SHANK2: variants seen among roughly 807,000 people sequenced by gnomAD.
SHANK2 encodes the protein SH3 and multiple ankyrin repeat domains 2, also known as SH3 and multiple ankyrin repeat domains protein 2.
Under a neutral mutation model 133.7 loss-of-function variants are expected in SHANK2, and 43 were observed. The ratio of observed to expected loss-of-function variants is 0.32; its 90% confidence interval spans 0.25 to 0.41. The LOEUF (loss-of-function observed/expected upper bound fraction) is 0.41. SHANK2 is among the 10% of genes least tolerant of loss of function. SHANK2 has a pLI of 1.00. For synonymous variants in SHANK2, 1,017 were observed against 952.8 expected, an observed-to-expected ratio of 1.07 and a Z score of -1.24; for missense variants, 1,994 against 2,235.8, an observed-to-expected ratio of 0.89 and a Z score of 2.18.
chr11:71,160,299 C>T (rs1261484300), intron 2 of SHANK2, among the ~76,000 whole-genome samples: 1 of 152,202 alleles, frequency 6.6e-6, no homozygotes, highest in Non-Finnish European at 1.5e-5. Flanking sequence ...CTGCTACGAA[C>T]TGAACTGTCT....
intron 11 of SHANK2, among the ~76,000 whole-genome samples, chr11:70,832,538 G>T (rs1482823528): frequency 2.6e-5 from 4 of 152,202 alleles, no homozygotes; most frequent in African/African-American, 9.6e-5. Context: ...CACTGGCAGT[G>T]ATCCCTAGTG....
At chr11:70,692,606 C>A (rs1157994636) in intron 15 of SHANK2, among the ~76,000 whole-genome samples, 1 of 152,212 alleles carries the variant, frequency 6.6e-6, no homozygotes, top group Non-Finnish European at 1.5e-5. Context: ...GCCTCAGGAA[C>A]CCAGCAACAG....
chr11:70,797,130 C>T (rs537528512), intron 14 of SHANK2, among the ~76,000 whole-genome samples: 5 of 152,338 alleles, frequency 3.3e-5, no homozygotes, highest in African/African-American at 4.8e-5. Context: ...TCCCGCTTCT[C>T]GGTTCCATGG....
intron 14 of SHANK2, among the ~76,000 whole-genome samples, chr11:70,782,110 G>C (rs1275633826): frequency 6.6e-6 from 1 of 152,320 alleles, no homozygotes; most frequent in Non-Finnish European, 1.5e-5. Flanking sequence ...TGTTGCCCAG[G>C]CTGGAGTGCA....
intron 1 of SHANK2, among the ~76,000 whole-genome samples, chr11:71,238,870 T>C (rs1555124045): frequency 6.6e-6 from 1 of 151,240 alleles, no homozygotes; most frequent in Non-Finnish European, 1.5e-5. Flanking sequence ...AGACACACAG[T>C]CACAGGGACA....
intron 15 of SHANK2, among the ~76,000 whole-genome samples, chr11:70,682,421 C>T (rs980404945): frequency 3.9e-5 from 6 of 152,164 alleles, no homozygotes; most frequent in Non-Finnish European, 8.8e-5. Context: ...GGAGGATCAC[C>T]GAAGGTCAGG....
chr11:70,663,496 C>T (rs1045734412), intron 15 of SHANK2, among the ~76,000 whole-genome samples: 1 of 152,152 alleles, frequency 6.6e-6, no homozygotes, highest in Admixed American at 6.5e-5. Context: ...CACCACTCCA[C>T]GCACCCACCC....
intron 17 of SHANK2, among the ~76,000 whole-genome samples, chr11:70,582,151 C>G (rs1304206337): frequency 1.3e-5 from 2 of 152,222 alleles, no homozygotes; most frequent in Non-Finnish European, 2.9e-5. Flanking sequence ...AAGGTGCCAT[C>G]AGTCAGAGAA....
intron 9 of SHANK2, among the ~76,000 whole-genome samples, chr11:71,072,763 C>T (rs939647641): frequency 6.6e-5 from 10 of 152,140 alleles, no homozygotes; most frequent in African/African-American, 9.7e-5. Context: ...GGACAAACCT[C>T]GAAAACATTG....
chr11:70,704,746 A>T lies in SHANK2; in HGVS notation c.1778-5983T>A, dbSNP rs550970556. Among the ~76,000 whole-genome samples, 11 of 152,312 alleles carry T rather than the reference A, an allele frequency of 7.2e-5. No individual in the cohort carries two copies. The East Asian group carries it at 2.1e-3, about 29-fold the overall frequency. ...GTTCAAGGTCTGGGGTCAGGGAGAG[A>T]TGGACACAAAAGACCTTGATGCTAG... On this transcript the variant is annotated intron_variant, in intron 14 of 25. Coordinates refer to ENST00000601538, the MANE Select transcript of SHANK2 (RefSeq NM_012309.5).
At chr11:70,655,968 G>A (rs1237029602) in intron 17 of SHANK2, among the ~76,000 whole-genome samples, 3 of 152,098 alleles carry the variant, frequency 2.0e-5, no homozygotes, top group African/African-American at 4.8e-5. Context: ...GGTGACTGAC[G>A]CCCAGCCAGG....
intron 14 of SHANK2, among the ~76,000 whole-genome samples, chr11:70,703,494 G>A (rs1945588656): frequency 6.6e-6 from 1 of 152,178 alleles, no homozygotes; most frequent in Admixed American, 6.5e-5. Context: ...CAGTGTTACA[G>A]TGCACACCTC....
chr11:71,095,566 G>A (rs545834721), intron 6 of SHANK2, among the ~76,000 whole-genome samples: 38 of 152,112 alleles, frequency 2.5e-4, no homozygotes, highest in Non-Finnish European at 4.9e-4. Context: ...ATATTCACTC[G>A]GTCTCGAAGC....
intron 15 of SHANK2, among the ~76,000 whole-genome samples, chr11:70,696,072 G>T (rs1945385452): frequency 6.6e-6 from 1 of 152,210 alleles, no homozygotes; most frequent in Non-Finnish European, 1.5e-5. Context: ...CCAAAACAGG[G>T]ATGCAGAGTT....
intron 1 of SHANK2, among the ~76,000 whole-genome samples, chr11:71,245,670 G>A (rs924017204): frequency 1.3e-5 from 2 of 152,254 alleles, no homozygotes; most frequent in Non-Finnish European, 2.9e-5. Context: ...CACGACCTTC[G>A]GCAAGTTCAG....
At chr11:70,610,367 T>C (rs1418752141) in intron 17 of SHANK2, among the ~76,000 whole-genome samples, 2 of 151,798 alleles carry the variant, frequency 1.3e-5, no homozygotes, top group African/African-American at 4.8e-5. Flanking sequence ...AAAAATGAAT[T>C]ATTGCCTGGT....
rs1949300205 is a variant in SHANK2 at position 70,863,674 on chromosome 11, G to T, written c.1174+32827C>A. The T allele has an allele frequency of 1.2e-5, 5 of 422,242 alleles. 1 individual carries two copies. Among genetic ancestry groups the T allele is most frequent in the South Asian group, 8.8e-5 (5 of 57,094 alleles). The allele number at this position is 422,242 out of a possible 1,614,324, so 26.2% of individuals were successfully genotyped here. On this transcript the variant is annotated intron_variant, in intron 11 of 25. Coordinates refer to ENST00000601538, the MANE Select transcript of SHANK2 (RefSeq NM_012309.5). ...CTCTCTCTGGCATCCTGGGCTGGGG[G>T]TATGGGGAAGAGGCACTGGCACCCC...
intron 14 of SHANK2, among the ~76,000 whole-genome samples, chr11:70,766,973 A>T (rs1947136369): frequency 6.6e-6 from 1 of 152,194 alleles, no homozygotes; most frequent in South Asian, 2.1e-4. Flanking sequence ...TGTCCGGGAG[A>T]TGTGATGTCC....
At chr11:70,561,724 G>GA (rs1354861697) in intron 17 of SHANK2, among the ~76,000 whole-genome samples, 6 of 148,450 alleles carry the variant, frequency 4.0e-5, no homozygotes, top group Non-Finnish European at 7.5e-5. Context: ...GATGGCAGGG[G>GA]GGGTCTCACT....
Sources: gnomAD v4.1 joint callset for allele counts (sites outside exome capture counted in the v4.1 genomes callset) on GRCh38, gnomAD v4.1.1 for gene constraint, MANE v1.5 for transcripts, NCBI Gene and HGNC (gene_info 2026-07-23, HGNC 2026-07-21) for gene names.